The following CDH18 variants were observed in gnomAD, a reference collection of about 807,000 sequenced individuals.
CDH18 encodes cadherin-18.
Under a neutral mutation model 67.9 loss-of-function variants are expected in CDH18, and 31 were observed. That is an observed-to-expected ratio of 0.46 (90% confidence interval 0.34 to 0.62). CDH18 has a LOEUF of 0.62. Among genes scored for constraint, CDH18 ranks in the 20% least tolerant of loss-of-function variants. The pLI is 0.01. For synonymous variants in CDH18, 362 were observed against 347.2 expected (o/e 1.04, Z -0.48); for missense variants, 890 against 975.5 (o/e 0.91, Z 1.17).
At chr5:19,567,789 C>T (rs892530158) in intron 8 of CDH18, among the ~76,000 whole-genome samples, 6 of 152,086 alleles carry the variant, frequency 3.9e-5, no homozygotes, top group African/African-American at 1.4e-4. Context: ...ATTTCTGCTT[C>T]CCTTCTTAGC....
chr5:20,203,791 TA>T (rs1461318482), intron 2 of CDH18, among the ~76,000 whole-genome samples: 2 of 152,038 alleles, frequency 1.3e-5, no homozygotes, highest in East Asian at 1.9e-4. Flanking sequence ...GTACTGACCC[TA>T]ATAAGATGGC....
chr5:20,464,601 T>C (rs1016129500), intron 1 of CDH18, among the ~76,000 whole-genome samples: 1 of 152,126 alleles, frequency 6.6e-6, no homozygotes, highest in Non-Finnish European at 1.5e-5. Context: ...AGAGAAGAGA[T>C]GTCTATGAGG....
intron 1 of CDH18, among the ~76,000 whole-genome samples, chr5:20,353,504 CACTA>C (rs1225349397): frequency 1.3e-5 from 2 of 152,152 alleles, no homozygotes; most frequent in Admixed American, 6.5e-5. Context: ...CCATGCAGCA[CACTA>C]ACTTTTATAT....
chr5:19,761,713 A>G (rs1200806565), intron 3 of CDH18, among the ~76,000 whole-genome samples: 5 of 152,184 alleles, frequency 3.3e-5, no homozygotes, highest in Non-Finnish European at 7.3e-5. Flanking sequence ...GCTACCAATG[A>G]CTTTCTTCAC....
At chr5:19,798,590 T>C (rs1777096125) in intron 3 of CDH18, among the ~76,000 whole-genome samples, 1 of 151,986 alleles carries the variant, frequency 6.6e-6, no homozygotes. Context: ...TTTCATATCA[T>C]GAAACAAGTT....
At chr5:20,340,048 T>C (rs1300274648) in intron 1 of CDH18, among the ~76,000 whole-genome samples, 4 of 152,184 alleles carry the variant, frequency 2.6e-5, no homozygotes, top group Non-Finnish European at 5.9e-5. Flanking sequence ...CTCTTTCTAA[T>C]GTGTATATTA....
At chr5:20,377,463 A>C (rs775113868) in intron 1 of CDH18, among the ~76,000 whole-genome samples, 12 of 152,192 alleles carry the variant, frequency 7.9e-5, no homozygotes, top group Admixed American at 1.3e-4. Flanking sequence ...TACACTAGTT[A>C]ATTGTAGGCT....
intron 5 of CDH18, among the ~76,000 whole-genome samples, chr5:19,655,387 AGTT>A (rs1756212089): frequency 6.6e-6 from 1 of 151,744 alleles, no homozygotes; most frequent in Admixed American, 6.6e-5. Flanking sequence ...GAGTTGTTAG[AGTT>A]GTTGCATTAG....
chr5:20,326,104 G>A (rs1738551198), intron 1 of CDH18, among the ~76,000 whole-genome samples: 1 of 152,078 alleles, frequency 6.6e-6, no homozygotes, highest in Admixed American at 6.5e-5. Flanking sequence ...CTCAGTGATA[G>A]CTTTAATAAC....
chr5:20,369,711 C>T (rs931361549), intron 1 of CDH18, among the ~76,000 whole-genome samples: 18 of 152,180 alleles, frequency 1.2e-4, no homozygotes, highest in African/African-American at 4.3e-4. Flanking sequence ...GCATATTTTA[C>T]AGAAAGCTTC....
chr5:20,123,064 TTA>T (rs1039102622), intron 2 of CDH18, among the ~76,000 whole-genome samples: 13 of 148,868 alleles, frequency 8.7e-5, no homozygotes, highest in African/African-American at 2.9e-4. Flanking sequence ...TCTTCAAATA[TTA>T]TATATATGAT....
At chr5:20,273,610 A>G (rs1414437319) in intron 1 of CDH18, among the ~76,000 whole-genome samples, 1 of 152,050 alleles carries the variant, frequency 6.6e-6, no homozygotes, top group African/African-American at 2.4e-5. Context: ...AAAATTTCTG[A>G]ATTATTAAAT....
chr5:20,507,635 AAGAC>A (rs1315847067), intron 1 of CDH18, among the ~76,000 whole-genome samples: 1 of 152,192 alleles, frequency 6.6e-6, no homozygotes, highest in African/African-American at 2.4e-5. Flanking sequence ...ACTGAACAAA[AAGAC>A]AGCTATTAGC....
At chr5:20,302,057 C>T (rs987167231) in intron 1 of CDH18, among the ~76,000 whole-genome samples, 3 of 152,062 alleles carry the variant, frequency 2.0e-5, no homozygotes, top group Non-Finnish European at 2.9e-5. Flanking sequence ...AAAAAGGCCA[C>T]TGGGATACTT....
chr5:19,587,823 A>G (rs531671021), intron 7 of CDH18, among the ~76,000 whole-genome samples: 2 of 152,214 alleles, frequency 1.3e-5, no homozygotes, highest in Admixed American at 6.6e-5. Context: ...AATTCTCTGA[A>G]GAATGTTAAT....
intron 2 of CDH18, among the ~76,000 whole-genome samples, chr5:20,202,159 C>T (rs1393729233): frequency 6.6e-6 from 1 of 152,116 alleles, no homozygotes; most frequent in East Asian, 1.9e-4. Context: ...GCTGTACTTT[C>T]CTGGAGTACC....
At chr5:20,150,193 G>GA in intron 2 of CDH18, among the ~76,000 whole-genome samples, 1 of 152,098 alleles carries the variant, frequency 6.6e-6, no homozygotes, top group African/African-American at 2.4e-5. Context: ...TTTACCTGTG[G>GA]AAAAAAGATT....
chr5:19,518,111 C>T (rs933012691), intron 10 of CDH18, among the ~76,000 whole-genome samples: 2 of 151,494 alleles, frequency 1.3e-5, no homozygotes, highest in East Asian at 1.9e-4. Flanking sequence ...TATATTTATA[C>T]TATAAAAGTA....
intron 1 of CDH18, among the ~76,000 whole-genome samples, chr5:20,279,084 A>T (rs1746024501): frequency 6.6e-6 from 1 of 152,126 alleles, no homozygotes; most frequent in Non-Finnish European, 1.5e-5. Flanking sequence ...AATGGGCTAA[A>T]CTATCCAATC....
Sources: gnomAD v4.1 joint callset for allele counts (sites outside exome capture counted in the v4.1 genomes callset) on GRCh38, gnomAD v4.1.1 for gene constraint, MANE v1.5 for transcripts, NCBI Gene and HGNC (gene_info 2026-07-23, HGNC 2026-07-21) for gene names.